STUB1: variants seen among roughly 807,000 people sequenced by gnomAD.
The protein encoded by STUB1 is STIP1 homology and U-box containing protein 1, also known as E3 ubiquitin-protein ligase CHIP.
A neutral mutation model predicts 40.3 loss-of-function variants in STUB1; 37 were observed. That is an observed-to-expected ratio of 0.92 (90% CI 0.71 to 1.21). STUB1 has a LOEUF of 1.21. Among genes scored for constraint, STUB1 ranks in the 50% most tolerant of loss-of-function variants. The pLI is 0.00. For missense variants in STUB1, 460 were observed against 421.9 expected (o/e 1.09, Z -0.79); for synonymous variants, 246 against 171.9 (o/e 1.43, Z -3.37).
intron 3 of STUB1, 36 bp downstream of exon 3, chr16:681,639 T>A (rs773417884): frequency 6.3e-7 from 1 of 1,581,646 alleles, no homozygotes. Context: ...TGTCTTGGGA[T>A]AATTCTGAAT....
chr16:681,751 C>G, intron 3 of STUB1, 42 bp from the exon 4 acceptor site: 1 of 1,563,064 alleles, frequency 6.4e-7, no homozygotes, highest in Non-Finnish European at 8.7e-7. Flanking sequence ...GGTCAGACAT[C>G]TGGCCAGGTC....
At chr16:681,726 C>T (rs959026969) in intron 3 of STUB1, 67 bp from the exon 4 acceptor site, 4 of 1,552,464 alleles carry the variant, frequency 2.6e-6, no homozygotes, top group Admixed American at 1.8e-5. Context: ...GATGTTAGCT[C>T]TGAGATTGGG....
At position 680,833 on chromosome 16, in the gene STUB1, G is replaced by A; in HGVS notation, c.159+149G>A. Reference sequence around the variant, plus strand: ...CCGTGGTTCTCGAGCCCAGCGCCGGGTGCCGGAGAACGAGGGTGCGATGCT... The same window carrying A: ...CCGTGGTTCTCGAGCCCAGCGCCGGATGCCGGAGAACGAGGGTGCGATGCT... On this transcript the variant is annotated intron_variant, in intron 1 of 6. Coordinates refer to ENST00000219548, the MANE Select transcript of STUB1 (RefSeq NM_005861.4). This position sits in a 1 kb window ranked among gnomAD's most constrained non-coding sequence, Gnocchi z 4.9. The A allele has an allele frequency of 7.2e-6, 6 of 834,720 alleles. No individual in the cohort carries two copies. The highest frequency in any genetic ancestry group is 9.6e-6 in the Non-Finnish European group (6 of 624,342). The allele number at this position is 834,720 out of a possible 1,614,324, so 51.7% of individuals were successfully genotyped here.
rs2039636789 is a variant in STUB1 at position 680,750 on chromosome 16, C to T, written c.159+66C>T. The stretch of plus-strand genomic sequence containing the variant: ...GGGGAGGGCCGGGCCCGGGCCCGGC[C>T]GGCCCCACCGAGGGTCTGGCTCCTC... On this transcript the variant is annotated intron_variant, in intron 1 of 6. Coordinates refer to ENST00000219548, the MANE Select transcript of STUB1 (RefSeq NM_005861.4). This position sits in a 1 kb window ranked among gnomAD's most constrained non-coding sequence, Gnocchi z 4.9. 2.6e-6 allele frequency: 3 copies of T among 1,160,980 alleles called. No individual in the cohort carries two copies. Among genetic ancestry groups the T allele is most frequent in the African/African-American group, 1.6e-5 (1 of 61,836 alleles). The allele number at this position is 1,160,980 out of a possible 1,614,324, so 71.9% of individuals were successfully genotyped here.
chr16:681,829 T>C lies in STUB1; in HGVS notation c.561T>C (p.Asp187=), dbSNP rs1567280810. The C allele has an allele frequency of 1.2e-6, 2 of 1,609,328 alleles. No individual in the cohort carries two copies. Among genetic ancestry groups the C allele is most frequent in the Non-Finnish European group, 1.7e-6 (2 of 1,177,420 alleles). The change falls in exon 4 of 7, where the codon GAT becomes GAC. Residue 187 remains aspartate, a synonymous_variant. Transcript: ENST00000219548. The part of the protein sequence containing the change: ...LEECQRNHEG[D]EDDSHVRAQQ... Reference sequence around the variant, plus strand: ...AGTGCCAGCGAAACCACGAGGGTGATGAGGACGACAGCCACGTCCGGGCCC... The same window carrying C: ...AGTGCCAGCGAAACCACGAGGGTGACGAGGACGACAGCCACGTCCGGGCCC...
In STUB1 at chr16:680,834, T is replaced by A; in HGVS notation, c.159+150T>A. The A allele has an allele frequency of 1.4e-6, 1 of 705,360 alleles. No homozygotes were observed. The highest frequency in any genetic ancestry group is 1.8e-6 in the Non-Finnish European group (1 of 545,700). The allele number at this position is 705,360 out of a possible 1,614,324, so 43.7% of individuals were successfully genotyped here. ...CGTGGTTCTCGAGCCCAGCGCCGGG[T>A]GCCGGAGAACGAGGGTGCGATGCTG... On this transcript the variant is annotated intron_variant, in intron 1 of 6. Coordinates refer to ENST00000219548, the MANE Select transcript of STUB1 (RefSeq NM_005861.4). The surrounding 1 kb of genome is among the most constrained non-coding windows in gnomAD (Gnocchi z 4.9).
Position 681,282 on chromosome 16 carries a change from A to T in STUB1, c.290A>T (p.His97Leu). 1 of 1,612,876 alleles carries T rather than the reference A, an allele frequency of 6.2e-7. No individual in the cohort carries two copies. Among genetic ancestry groups the T allele is most frequent in the Non-Finnish European group, 8.5e-7 (1 of 1,179,996 alleles). Reference protein sequence around the residue: ...LELDGQSVKAHFFLGQCQLEM... With the variant: ...LELDGQSVKALFFLGQCQLEM... ...CTGGACGGGCAGTCTGTGAAGGCGC[A>T]CTTCTTCCTGGGGCAGTGCCAGCTG... The change falls in exon 2 of 7, where the codon CAC (histidine) becomes CTC (leucine). Residue 97 changes from histidine (H) to leucine (L), a missense_variant. By Grantham distance (99) the His-to-Leu change is moderately conservative. Transcript: ENST00000219548.
chr16:681,598 TGA>T lies in STUB1; in HGVS notation c.523_524del (p.Arg175GlyfsTer12). The part of the protein sequence containing the change: ...YLSRLIAAER[E>X]RELEECQRNH... ...TCTCCAGGCTCATTGCCGCGGAGCG[TGA>T]GAGGTGGGACCCTCACCCCAGGCCG... On this transcript the variant is annotated frameshift_variant, in exon 3 of 7. Transcript: ENST00000219548. LOFTEE classifies it high-confidence loss of function. The T allele has an allele frequency of 6.2e-7, 1 of 1,607,384 alleles. No homozygotes were observed. Among genetic ancestry groups the T allele is most frequent in the Non-Finnish European group, 8.5e-7 (1 of 1,177,172 alleles).
rs769967480 is a variant in STUB1, at chr16:682,521, G to C, written c.*32G>C. 1.3e-5 allele frequency: 21 copies of C among 1,611,972 alleles called. No homozygotes were observed. The highest frequency in any genetic ancestry group is 1.6e-5 in the Non-Finnish European group (19 of 1,179,534). ...CTGCCCTACCTGGCGTCCTGGTCCA[G>C]GGGAGCCCTGGGCAGAAGCCCCCGG... On this transcript the variant is annotated 3_prime_UTR_variant, in exon 7 of 7. Transcript: ENST00000219548.
At position 682,034 on chromosome 16, in the gene STUB1, G is replaced by A. The variant is rs769400605; in HGVS notation, c.627G>A (p.Ala209=). The change falls in exon 5 of 7, where the codon GCG becomes GCA. Residue 209 remains alanine (A), a synonymous_variant. Transcript: ENST00000219548. ...CIEAKHDKYM[A]DMDELFSQVD... Reference sequence around the variant, plus strand: ...ACTCTTCACAGGACAAGTACATGGCGGACATGGACGAGCTTTTTTCTCAGG... The same window carrying A: ...ACTCTTCACAGGACAAGTACATGGCAGACATGGACGAGCTTTTTTCTCAGG... 3.6e-5 allele frequency: 58 copies of A among 1,592,610 alleles called. No homozygotes were observed. Among genetic ancestry groups the A allele is most frequent in the South Asian group, 2.9e-4 (26 of 89,638 alleles).
Position 680,948 on chromosome 16 carries a change from A to G in STUB1, c.160-204A>G. ...AGCCCGGACTCTCCAAAGATTTGGA[A>G]AACTTTACAAAACCAAGTGGAATCA... On this transcript the variant is annotated intron_variant, in intron 1 of 6. Coordinates refer to ENST00000219548, the MANE Select transcript of STUB1 (RefSeq NM_005861.4). This position sits in a 1 kb window ranked among gnomAD's most constrained non-coding sequence, Gnocchi z 4.9. The G allele has an allele frequency of 1.4e-6, 1 of 694,612 alleles. No homozygotes were observed. Among genetic ancestry groups the G allele is most frequent in the Non-Finnish European group, 2.3e-6 (1 of 431,676 alleles). 43.0% of individuals were successfully genotyped at this position (694,612 alleles called of 1,614,324 possible).
chr16:681,984 G>A, intron 4 of STUB1, 36 bp from the exon 5 acceptor site: 3 of 1,612,672 alleles, frequency 1.9e-6, no homozygotes, highest in East Asian at 2.2e-5. Flanking sequence ...GGGAGGTGGG[G>A]TGTCTCCCCC....
At position 681,840 on chromosome 16, in the gene STUB1, G is replaced by A; in HGVS notation, c.572G>A (p.Ser191Asn). 1 of 1,611,110 alleles carries A rather than the reference G, an allele frequency of 6.2e-7. No homozygotes were observed. The highest frequency in any genetic ancestry group is 8.5e-7 in the Non-Finnish European group (1 of 1,178,720). The change falls in exon 4 of 7, where the codon AGC (serine) becomes AAC (asparagine). Residue 191 changes from serine to asparagine, a missense_variant. Coordinates refer to ENST00000219548, the MANE Select transcript of STUB1 (RefSeq NM_005861.4). ...QRNHEGDEDD[S>N]HVRAQQACIE... ...AACCACGAGGGTGATGAGGACGACAGCCACGTCCGGGCCCAGCAGGCCTGC... is the reference window on the plus strand; with the variant it reads ...AACCACGAGGGTGATGAGGACGACAACCACGTCCGGGCCCAGCAGGCCTGC...
In STUB1 at chr16:681,490, C is replaced by T. The variant is rs1003852324; in HGVS notation, c.411C>T (p.Ser137=). 2.5e-6 allele frequency: 4 copies of T among 1,612,526 alleles called. No homozygotes were observed. Among genetic ancestry groups the T allele is most frequent in the East Asian group, 4.5e-5 (2 of 44,902 alleles). ...TGAACTTCGGGGACGACATCCCCAG[C>T]GCTCTTCGAATCGCGAAGAAGAAGC... ...QRLNFGDDIP[S]ALRIAKKKRW... The change falls in exon 3 of 7, where the codon AGC becomes AGT. Residue 137 remains serine (S), a synonymous_variant. Coordinates refer to ENST00000219548, the MANE Select transcript of STUB1 (RefSeq NM_005861.4).
chr16:681,085 G>C, intron 1 of STUB1, 67 bp from the exon 2 acceptor site: 1 of 1,465,336 alleles, frequency 6.8e-7, no homozygotes, highest in Middle Eastern at 2.3e-4. Context: ...AGCTGGGACG[G>C]GCCGTGGGTC....
chr16:681,885 G>A lies in STUB1; in HGVS notation c.612+5G>A, dbSNP rs2039672646. 6.2e-7 allele frequency: 1 copy of A among 1,612,906 alleles called. No homozygotes were observed. The highest frequency in any genetic ancestry group is 1.7e-5 in the Admixed American group (1 of 60,002). On this transcript the variant is annotated splice_donor_5th_base_variant and intron_variant, in intron 4 of 6. Transcript: ENST00000219548. ...GCCTGCATTGAGGCCAAGCACGTGA[G>A]GGTGCCCCCCACCCACATGTGGGTC...
intron 3 of STUB1, 95 bp downstream of exon 3, chr16:681,698 G>A (rs993171924): frequency 4.5e-6 from 7 of 1,554,170 alleles, no homozygotes; most frequent in South Asian, 1.2e-5. Context: ...TGGCAAGCAG[G>A]AAATGTGGGG....
Position 682,043 on chromosome 16 carries a change from C to G in STUB1, c.636C>G (p.Asp212Glu). The G allele has an allele frequency of 1.3e-6, 2 of 1,588,860 alleles. No homozygotes were observed. Among genetic ancestry groups the G allele is most frequent in the Non-Finnish European group, 1.7e-6 (2 of 1,162,060 alleles). ...AGGACAAGTACATGGCGGACATGGA[C>G]GAGCTTTTTTCTCAGGTGGATGAGA... Reference protein sequence around the residue: ...AKHDKYMADMDELFSQVDEKR... With the variant: ...AKHDKYMADMEELFSQVDEKR... Residue 212 changes from aspartate (D) to glutamate (E), a missense_variant, in exon 5 of 7, where the codon GAC becomes GAG. Transcript: ENST00000219548.
Position 681,492 on chromosome 16 carries a change from C to T in STUB1, c.413C>T (p.Ala138Val), listed in dbSNP as rs1194926944. 1.2e-6 allele frequency: 2 copies of T among 1,612,526 alleles called. No individual in the cohort carries two copies. The highest frequency in any genetic ancestry group is 1.7e-6 in the Non-Finnish European group (2 of 1,179,910). Residue 138 changes from alanine to valine, a missense_variant, in exon 3 of 7, where the codon GCT becomes GTT. Coordinates refer to ENST00000219548, the MANE Select transcript of STUB1 (RefSeq NM_005861.4). The part of the protein sequence containing the change: ...RLNFGDDIPS[A>V]LRIAKKKRWN... ...AACTTCGGGGACGACATCCCCAGCG[C>T]TCTTCGAATCGCGAAGAAGAAGCGC...
Sources: gnomAD v4.1 joint callset for allele counts on GRCh38, gnomAD v4.1.1 for gene constraint, Gnocchi (gnomAD v3.1) non-coding constraint, MANE v1.5 for transcripts, NCBI Gene and HGNC (gene_info 2026-07-23, HGNC 2026-07-21) for gene names.